The following BAIAP2 variants were observed in gnomAD, a reference collection of about 807,000 sequenced individuals.
BAIAP2 encodes the protein BAR/IMD domain-containing adapter protein 2.
BAIAP2 carries 18 observed loss-of-function variants against 63.0 expected under a neutral mutation model. That is an observed-to-expected ratio of 0.29 (90% CI 0.20 to 0.42). BAIAP2 has a LOEUF of 0.42. Among genes scored for constraint, BAIAP2 ranks in the 10% least tolerant of loss-of-function variants. The pLI is 1.00. For missense variants in BAIAP2, 610 were observed against 734.3 expected (o/e 0.83, Z 1.96); for synonymous variants, 386 against 307.6 (o/e 1.25, Z -2.67).
At chr17:81,111,063 T>A in intron 13 of BAIAP2, 1 of 1,408,424 alleles carries the variant, frequency 7.1e-7, no homozygotes, top group Non-Finnish European at 9.9e-7. Context: ...CCCGGCTGCA[T>A]GGCGGGGCCA....
chr17:81,094,392 A>G (rs1311653863), intron 6 of BAIAP2, among the ~76,000 whole-genome samples: 1 of 152,090 alleles, frequency 6.6e-6, no homozygotes, highest in Non-Finnish European at 1.5e-5. Flanking sequence ...AATCTGCTGA[A>G]AGCTCTGGGC....
chr17:81,038,724 G>C (rs1441024598), intron 1 of BAIAP2, among the ~76,000 whole-genome samples: 1 of 152,244 alleles, frequency 6.6e-6, no homozygotes, highest in African/African-American at 2.4e-5. Flanking sequence ...CACACTGCCG[G>C]CTTTTCTGCT....
chr17:81,112,343 C>G (rs1568200622), intron 13 of BAIAP2, among the ~76,000 whole-genome samples: 1 of 152,248 alleles, frequency 6.6e-6, no homozygotes, highest in Non-Finnish European at 1.5e-5. Context: ...CAGCACCACT[C>G]CACAGTGCCA....
chr17:81,055,569 G>GGTTTTTTTTTTT lies in BAIAP2; in HGVS notation c.130+1826_130+1827insGTTTTTTTTTTT, dbSNP rs138656369. Among the ~76,000 whole-genome samples, 45 of 94,088 alleles carry GGTTTTTTTTTTT rather than the reference G, an allele frequency of 4.8e-4. 7 individuals carry two copies. Among genetic ancestry groups the GGTTTTTTTTTTT allele is most frequent in the South Asian group, 2.5e-3 (6 of 2,386 alleles). 61.7% of individuals were successfully genotyped at this position (94,088 alleles called of 152,430 possible). A position where few individuals can be genotyped will look rare whatever the true frequency, so the allele number is the denominator to read the frequency against. The stretch of plus-strand genomic sequence containing the variant: ...TTCCTCCAGCGAAAGTCTGCAGGGT[G>GGTTTTTTTTTTT]TTTTGTTTTTTTTTGAGACGGAGTC... On this transcript the variant is annotated intron_variant, in intron 2 of 13. Coordinates refer to ENST00000428708, the MANE Select transcript of BAIAP2 (RefSeq NM_001144888.2).
intron 2 of BAIAP2, among the ~76,000 whole-genome samples, chr17:81,055,557 A>C (rs1235324308): frequency 1.4e-4 from 5 of 35,290 alleles, no homozygotes; most frequent in Non-Finnish European, 2.6e-4. Flanking sequence ...CTCCAGCGAA[A>C]GTCTGCAGGG....
At chr17:81,110,993 CCT>C in intron 13 of BAIAP2, 1 of 1,612,746 alleles carries the variant, frequency 6.2e-7, no homozygotes, top group Admixed American at 1.7e-5. Context: ...CAGTCACTGG[CCT>C]CTCCAGTGGT....
chr17:81,066,177 C>T (rs2051427271), intron 3 of BAIAP2, among the ~76,000 whole-genome samples: 1 of 152,236 alleles, frequency 6.6e-6, no homozygotes, highest in Admixed American at 6.5e-5. Context: ...CGCTGTGTAC[C>T]CGCTGGTGCC....
intron 6 of BAIAP2, among the ~76,000 whole-genome samples, chr17:81,093,115 TGGGC>T (rs2057070110): frequency 8.0e-6 from 1 of 125,072 alleles, no homozygotes; most frequent in African/African-American, 2.9e-5. Context: ...TGGGCTGGGC[TGGGC>T]TGGGCTGGGC....
At chr17:81,102,623 G>C (rs1029430751) in intron 7 of BAIAP2, among the ~76,000 whole-genome samples, 2 of 152,352 alleles carry the variant, frequency 1.3e-5, no homozygotes, top group Non-Finnish European at 2.9e-5. Context: ...CAGCAGCAGA[G>C]GGGTAGGGGT....
At chr17:81,036,197 C>T (rs1325592230) in intron 1 of BAIAP2, 9 of 152,162 alleles carry the variant, frequency 5.9e-5, no homozygotes, top group African/African-American at 1.9e-4. Flanking sequence ...CAGACCCCCA[C>T]GCCTGAGCCC....
At chr17:81,049,342 C>A (rs1056363075) in intron 1 of BAIAP2, among the ~76,000 whole-genome samples, 20 of 152,202 alleles carry the variant, frequency 1.3e-4, no homozygotes, top group Non-Finnish European at 2.9e-4. Flanking sequence ...TGTCCCTGAG[C>A]GCCCTCAGTG....
chr17:81,054,476 C>G (rs1316459026), intron 2 of BAIAP2, among the ~76,000 whole-genome samples: 1 of 152,196 alleles, frequency 6.6e-6, no homozygotes. Context: ...CCCATGCATT[C>G]TGGACTGGGT....
chr17:81,109,092 C>T (rs938317939), intron 13 of BAIAP2: 2 of 1,485,112 alleles, frequency 1.3e-6, no homozygotes, highest in Non-Finnish European at 1.8e-6. Context: ...CTGGTTTGTT[C>T]TTGGGTTGTT....
At chr17:81,109,461 C>T (rs928643808) in intron 13 of BAIAP2, 3 of 987,046 alleles carry the variant, frequency 3.0e-6, no homozygotes, top group African/African-American at 3.5e-5. Context: ...TCTGCATGGA[C>T]TCCGGTGTGC....
At chr17:81,081,875 A>G (rs2054673251) in intron 3 of BAIAP2, among the ~76,000 whole-genome samples, 1 of 152,204 alleles carries the variant, frequency 6.6e-6, no homozygotes, top group Non-Finnish European at 1.5e-5. Context: ...AGGGCCACAC[A>G]GCAGGGACCA....
chr17:81,098,436 T>A (rs1298250726), intron 6 of BAIAP2, among the ~76,000 whole-genome samples: 1 of 152,068 alleles, frequency 6.6e-6, no homozygotes, highest in Non-Finnish European at 1.5e-5. Flanking sequence ...TTTTTTTAAA[T>A]TGTGATAAAA....
chr17:81,053,339 C>T lies in BAIAP2; in HGVS notation c.55-329C>T, dbSNP rs1259635410. The T allele has an allele frequency of 3.1e-5, 9 of 291,794 alleles. No homozygotes were observed. The East Asian group carries it at 5.2e-4, about 17-fold the overall frequency. 18.1% of individuals were successfully genotyped at this position (291,794 alleles called of 1,614,324 possible). ...AGCCGCGCCAATGGGAACGGCACCT[C>T]GGCAGCGGCGCGTCTGAGCGCCAGT... On this transcript the variant is annotated intron_variant, in intron 1 of 13. Coordinates refer to ENST00000428708, the MANE Select transcript of BAIAP2 (RefSeq NM_001144888.2).
At position 81,116,410 on chromosome 17, in the gene BAIAP2, C is replaced by T; in HGVS notation, c.*571C>T. 2.1e-6 allele frequency: 3 copies of T among 1,437,530 alleles called. No homozygotes were observed. Among genetic ancestry groups the T allele is most frequent in the East Asian group, 4.9e-5 (2 of 40,832 alleles). 89.0% of individuals were successfully genotyped at this position (1,437,530 alleles called of 1,614,324 possible). ...CGGTGGGGCTCTCCTGGGCCCCTCA[C>T]TCCCACTGGCAATGTCACAAGGGCC... is the stretch of plus-strand genomic sequence containing the variant. On this transcript the variant is annotated 3_prime_UTR_variant, in exon 14 of 14. Coordinates refer to ENST00000428708, the MANE Select transcript of BAIAP2 (RefSeq NM_001144888.2).
At chr17:81,104,869 GACCTGGGGTCTTCGCC>G (rs1175385420) in intron 10 of BAIAP2, among the ~76,000 whole-genome samples, 154 bp downstream of exon 10, 1 of 152,150 alleles carries the variant, frequency 6.6e-6, no homozygotes, top group Non-Finnish European at 1.5e-5. Flanking sequence ...GAGCAAGCGT[GACCTGGGGTCTTCGCC>G]ACCAACAGGC....
Sources: gnomAD v4.1 joint callset for allele counts (sites outside exome capture counted in the v4.1 genomes callset) on GRCh38, gnomAD v4.1.1 for gene constraint, MANE v1.5 for transcripts, NCBI Gene and HGNC (gene_info 2026-07-23, HGNC 2026-07-21) for gene names.